Variants in PGM5 observed in about 807,000 individuals in gnomAD.
PGM5 encodes phosphoglucomutase-like protein 5.
Under a neutral mutation model 59.2 loss-of-function variants are expected in PGM5, and 23 were observed. The observed-to-expected ratio is 0.39, with a 90% CI of 0.28 to 0.55. The LOEUF (loss-of-function observed/expected upper bound fraction) is 0.55, where lower values mean the gene tolerates loss of function less well. Among genes scored for constraint, PGM5 ranks in the 20% least tolerant of loss-of-function variants. PGM5 has a pLI of 0.66. For synonymous variants in PGM5, 214 were observed against 286.0 expected (o/e 0.75, Z 2.54); for missense variants, 574 against 748.3 (o/e 0.77, Z 2.72).
At chr9:68,494,651 A>G (rs1824454097) in intron 9 of PGM5, among the ~76,000 whole-genome samples, 1 of 152,236 alleles carries the variant, frequency 6.6e-6, no homozygotes, top group Non-Finnish European at 1.5e-5. Context: ...TTAATGAGCT[A>G]ATGGTTTGCC....
At chr9:68,475,374 C>T (rs1000379201) in intron 7 of PGM5, among the ~76,000 whole-genome samples, 4 of 151,664 alleles carry the variant, frequency 2.6e-5, no homozygotes, top group South Asian at 4.2e-4. Context: ...TGAAATAATA[C>T]GTTGTTATTG....
Position 68,483,994 on chromosome 9 carries a change from G to C in PGM5, c.1425G>C (p.Lys475Asn). 1 of 1,614,096 alleles carries C rather than the reference G, an allele frequency of 6.2e-7. No homozygotes were observed. The highest frequency in any genetic ancestry group is 8.5e-7 in the Non-Finnish European group (1 of 1,180,020). ...AVGSHVYSVA[K>N]TDSFEYVDPV... ...GGAGCCATGTCTACAGCGTGGCGAA[G>C]ACGGATAGTTTTGAATACGTGGACC... is the stretch of plus-strand genomic sequence containing the variant. The change falls in exon 9 of 11, where the codon AAG (lysine) becomes AAC (asparagine). Residue 475 changes from lysine (K) to asparagine (N), a missense_variant. Lys to Asn is a moderately conservative substitution (Grantham distance 94). Transcript: ENST00000396396.
intron 10 of PGM5, among the ~76,000 whole-genome samples, chr9:68,513,258 G>T (rs1354663143): frequency 6.6e-6 from 1 of 152,218 alleles, no homozygotes; most frequent in Non-Finnish European, 1.5e-5. Flanking sequence ...AGGCTTCTGA[G>T]GTTGAACTCC....
At chr9:68,393,280 T>C (rs1822412065) in intron 6 of PGM5, among the ~76,000 whole-genome samples, 1 of 151,518 alleles carries the variant, frequency 6.6e-6, no homozygotes, top group Admixed American at 6.6e-5. Flanking sequence ...TATTCCTTAC[T>C]GTATCTCTTT....
chr9:68,493,123 A>G (rs1226803627), intron 9 of PGM5, among the ~76,000 whole-genome samples: 1 of 152,126 alleles, frequency 6.6e-6, no homozygotes, highest in Non-Finnish European at 1.5e-5. Flanking sequence ...ACTAGGTCCA[A>G]TGCTGCCAAA....
At chr9:68,468,703 T>G (rs1031418383) in intron 7 of PGM5, among the ~76,000 whole-genome samples, 12 of 152,228 alleles carry the variant, frequency 7.9e-5, no homozygotes, top group African/African-American at 2.7e-4. Context: ...TTCTAAAAGA[T>G]CTTACACTGT....
chr9:68,380,409 A>G (rs572274157), intron 2 of PGM5, among the ~76,000 whole-genome samples: 2 of 152,106 alleles, frequency 1.3e-5, no homozygotes, highest in East Asian at 3.9e-4. Flanking sequence ...ATGACAATGG[A>G]AACACAATGT....
chr9:68,525,410 T>C (rs753173138), intron 10 of PGM5, among the ~76,000 whole-genome samples: 14 of 152,202 alleles, frequency 9.2e-5, no homozygotes, highest in Non-Finnish European at 1.8e-4. Flanking sequence ...CACGGCGTAG[T>C]GATATCTCTG....
intron 10 of PGM5, among the ~76,000 whole-genome samples, chr9:68,504,593 T>G (rs782135523): frequency 3.3e-5 from 5 of 152,212 alleles, no homozygotes; most frequent in African/African-American, 4.8e-5. Flanking sequence ...ATAGCTTGTC[T>G]CCTTACTTCT....
chr9:68,512,045 A>G (rs1283543430), intron 10 of PGM5, among the ~76,000 whole-genome samples: 1 of 152,188 alleles, frequency 6.6e-6, no homozygotes, highest in Non-Finnish European at 1.5e-5. Flanking sequence ...TTGTCTCTCC[A>G]TTCATGGAAC....
Position 68,378,362 on chromosome 9 carries a change from G to C in PGM5, c.424+1G>C, listed in dbSNP as rs782421644. 1 of 1,592,720 alleles carries C rather than the reference G, an allele frequency of 6.3e-7. No individual in the cohort carries two copies. The highest frequency in any genetic ancestry group is 8.5e-7 in the Non-Finnish European group (1 of 1,172,164). Reference sequence around the variant, plus strand: ...GTGAAGTTTAATGTTGCCAATGGAGGTATGTGGTTCAGCATATGCCTTAAT... The same window carrying C: ...GTGAAGTTTAATGTTGCCAATGGAGCTATGTGGTTCAGCATATGCCTTAAT... On this transcript the variant is annotated splice_donor_variant, in intron 2 of 10. Transcript: ENST00000396396. LOFTEE classifies it high-confidence loss of function.
chr9:68,420,200 C>A (rs1031925652), intron 6 of PGM5, among the ~76,000 whole-genome samples: 2 of 152,192 alleles, frequency 1.3e-5, no homozygotes, highest in African/African-American at 4.8e-5. Flanking sequence ...TTCCTCCCAG[C>A]AGCAAACCTC....
chr9:68,438,615 A>C (rs1213655303), intron 6 of PGM5, among the ~76,000 whole-genome samples: 1 of 152,224 alleles, frequency 6.6e-6, no homozygotes, highest in Non-Finnish European at 1.5e-5. Flanking sequence ...GAAACAAGCT[A>C]TTTGAGGACT....
chr9:68,484,141 G>A, intron 9 of PGM5, 93 bp downstream of exon 9: 1 of 1,083,844 alleles, frequency 9.2e-7, no homozygotes, highest in Non-Finnish European at 1.4e-6. Flanking sequence ...ATGATCTAAG[G>A]TGACCTCATT....
At chr9:68,469,423 G>A (rs1349474917) in intron 7 of PGM5, among the ~76,000 whole-genome samples, 1 of 152,038 alleles carries the variant, frequency 6.6e-6, no homozygotes, top group East Asian at 1.9e-4. Flanking sequence ...TAGAAATTTG[G>A]AATTGAATCC....
intron 9 of PGM5, among the ~76,000 whole-genome samples, chr9:68,495,138 G>A (rs1295045812): frequency 6.6e-6 from 1 of 152,188 alleles, no homozygotes; most frequent in Non-Finnish European, 1.5e-5. Flanking sequence ...AACTCAGCAA[G>A]TCCAAAATTT....
intron 10 of PGM5, among the ~76,000 whole-genome samples, chr9:68,520,769 C>T (rs1415710565): frequency 1.3e-5 from 2 of 152,164 alleles, no homozygotes; most frequent in African/African-American, 2.4e-5. Flanking sequence ...AAAACCTGGA[C>T]GTAGGCTATA....
rs138475002 is a variant in PGM5, at chr9:68,477,203, A to G, written c.1160-2215A>G. 5.5e-3 allele frequency among the ~76,000 whole-genome samples: 843 copies of G among 152,330 alleles called. 5 individuals carry two copies. Among genetic ancestry groups the G allele is most frequent in the Non-Finnish European group, 8.7e-3 (592 of 68,022 alleles). On this transcript the variant is annotated intron_variant, in intron 7 of 10. Coordinates refer to ENST00000396396, the MANE Select transcript of PGM5 (RefSeq NM_021965.4). ...TCCTGTTAACCCAGAGGCAACCACA[A>G]CTGGACATCCAACAGTGCCATTAGC...
intron 1 of PGM5, among the ~76,000 whole-genome samples, chr9:68,372,175 T>C (rs1398908502): frequency 6.6e-6 from 1 of 151,968 alleles, no homozygotes; most frequent in Non-Finnish European, 1.5e-5. Flanking sequence ...ATTTGGTGGT[T>C]TAAAATCACA....
Sources: allele counts gnomAD v4.1 joint callset (sites outside exome capture counted in the v4.1 genomes callset), GRCh38; gene constraint gnomAD v4.1.1; transcripts MANE v1.5; gene names NCBI Gene and HGNC (gene_info 2026-07-23, HGNC 2026-07-21).